LPGAT1: variants seen among roughly 807,000 people sequenced by gnomAD.
The protein encoded by LPGAT1 is lysophosphatidylglycerol acyltransferase 1, also known as acyl-CoA:lysophosphatidylglycerol acyltransferase 1.
In LPGAT1, 11 loss-of-function variants were observed where a neutral mutation model predicts 47.5. The observed-to-expected ratio is 0.23, with a 90% CI of 0.15 to 0.38. LPGAT1 has a LOEUF of 0.38. LPGAT1 is among the 10% of genes least tolerant of loss of function. LPGAT1 has a pLI of 1.00. For synonymous variants in LPGAT1, 138 were observed against 144.2 expected, an observed-to-expected ratio of 0.96 and a Z score of 0.31; for missense variants, 293 against 439.0, an observed-to-expected ratio of 0.67 and a Z score of 2.97.
rs1245229219 is a variant in LPGAT1 at position 211,745,868 on chromosome 1, A to G, written c.*4031T>C. 3 of 152,634 alleles carry G rather than the reference A, an allele frequency of 2.0e-5. No individual in the cohort carries two copies. Among genetic ancestry groups the G allele is most frequent in the Non-Finnish European group, 2.9e-5 (2 of 68,058 alleles). The allele number at this position is 152,634 out of a possible 1,614,324, so 9.5% of individuals were successfully genotyped here. On this transcript the variant is annotated 3_prime_UTR_variant, in exon 8 of 8. Coordinates refer to ENST00000366997, the MANE Select transcript of LPGAT1 (RefSeq NM_014873.3). Reference sequence around the variant, plus strand: ...TTTTGACTTTGTCCTTCATATTAACAGATATAAGGCTCATAGCACTGCAGA... The same window carrying G: ...TTTTGACTTTGTCCTTCATATTAACGGATATAAGGCTCATAGCACTGCAGA...
intron 2 of LPGAT1, among the ~76,000 whole-genome samples, chr1:211,801,375 TTTCC>T (rs1659567329): frequency 6.6e-6 from 1 of 152,128 alleles, no homozygotes; most frequent in African/African-American, 2.4e-5. Context: ...CTCAAAACCC[TTTCC>T]TTCATCCAGT....
rs1658909682 is a variant in LPGAT1 at position 211,787,031 on chromosome 1, T to C, written c.453+601A>G. Reference sequence around the variant, plus strand: ...ATTTAAATAATTTGCCCAATTCACATAGCTAAGAAACTGAATAGTGGGGAA... The same window carrying C: ...ATTTAAATAATTTGCCCAATTCACACAGCTAAGAAACTGAATAGTGGGGAA... On this transcript the variant is annotated intron_variant, in intron 4 of 7. Transcript: ENST00000366997. Among the ~76,000 whole-genome samples, 3 of 147,952 alleles carry C rather than the reference T, an allele frequency of 2.0e-5. No individual in the cohort carries two copies. In the South Asian group the frequency reaches 6.4e-4, roughly 32 times the overall value.
At chr1:211,755,482 GTTAT>G (rs1657402034) in intron 6 of LPGAT1, among the ~76,000 whole-genome samples, 1 of 151,638 alleles carries the variant, frequency 6.6e-6, no homozygotes, top group South Asian at 2.1e-4. Flanking sequence ...TCTTTCTCTT[GTTAT>G]TTAAACATTT....
chr1:211,752,848 C>A (rs76231407), intron 6 of LPGAT1, among the ~76,000 whole-genome samples: 1,586 of 151,146 alleles, frequency 0.01, 20 homozygotes, highest in African/African-American at 0.035. Flanking sequence ...TGCCTAATAA[C>A]CTTTACATTT....
intron 6 of LPGAT1, 59 bp from the exon 7 acceptor site, chr1:211,751,126 A>G: frequency 9.3e-7 from 1 of 1,080,180 alleles, no homozygotes; most frequent in East Asian, 2.4e-5. Flanking sequence ...AAAATCATTC[A>G]GAACCACAAC....
intron 2 of LPGAT1, among the ~76,000 whole-genome samples, chr1:211,804,261 G>A (rs1015559087): frequency 2.0e-5 from 3 of 152,016 alleles, no homozygotes; most frequent in Non-Finnish European, 2.9e-5. Flanking sequence ...TGTTGCCCAT[G>A]CTGGTCTCAG....
In LPGAT1 at chr1:211,830,021, G is replaced by A. The variant is rs1660674800; in HGVS notation, c.-28+552C>T. The A allele has an allele frequency of 3.0e-6, 3 of 985,764 alleles. No individual in the cohort carries two copies. In the African/African-American group the frequency reaches 5.2e-5, roughly 17 times the overall value. 61.1% of individuals were successfully genotyped at this position (985,764 alleles called of 1,614,324 possible). A position where few individuals can be genotyped will look rare whatever the true frequency, so the allele number is the denominator to read the frequency against. ...AAGAGGTAAAAGCCAAGGAACTGGGGATGAAGAGAATGAGATTTCCGACCA... is the reference window on the plus strand; with the variant it reads ...AAGAGGTAAAAGCCAAGGAACTGGGAATGAAGAGAATGAGATTTCCGACCA... On this transcript the variant is annotated intron_variant, in intron 1 of 7. Transcript: ENST00000366997. This position sits in a 1 kb window ranked among gnomAD's most constrained non-coding sequence, Gnocchi z 5.9.
intron 2 of LPGAT1, among the ~76,000 whole-genome samples, chr1:211,796,176 G>C (rs544769112): frequency 5.9e-5 from 9 of 152,122 alleles, no homozygotes; most frequent in African/African-American, 2.2e-4. Context: ...GATAAATCTA[G>C]TAAGTGTGAC....
intron 2 of LPGAT1, among the ~76,000 whole-genome samples, chr1:211,820,729 C>T (rs1237030886): frequency 6.6e-6 from 1 of 151,996 alleles, no homozygotes; most frequent in Non-Finnish European, 1.5e-5. Context: ...ATTCAACATA[C>T]ATATAACTAA....
rs1660696516 is a variant in LPGAT1 at position 211,830,446 on chromosome 1, C to A, written c.-28+127G>T. The A allele has an allele frequency of 2.5e-6, 3 of 1,177,708 alleles. No homozygotes were observed. Among genetic ancestry groups the A allele is most frequent in the Non-Finnish European group, 3.2e-6 (3 of 950,708 alleles). The allele number at this position is 1,177,708 out of a possible 1,614,324, so 73.0% of individuals were successfully genotyped here. A position where few individuals can be genotyped will look rare whatever the true frequency, so the allele number is the denominator to read the frequency against. The stretch of plus-strand genomic sequence containing the variant: ...TCCTCCCCGGGGCCTACCGCGCCCT[C>A]GTCCCTCAGGCCGCTGCCGCCTCCC... On this transcript the variant is annotated intron_variant, in intron 1 of 7. Coordinates refer to ENST00000366997, the MANE Select transcript of LPGAT1 (RefSeq NM_014873.3). This position sits in a 1 kb window ranked among gnomAD's most constrained non-coding sequence, Gnocchi z 5.9.
At chr1:211,790,770 A>T (rs74543668) in intron 3 of LPGAT1, among the ~76,000 whole-genome samples, 2,681 of 152,310 alleles carry the variant, frequency 0.018, 76 homozygotes, top group African/African-American at 0.062. Context: ...GGGGAATTTT[A>T]AATTACCTAA....
intron 2 of LPGAT1, among the ~76,000 whole-genome samples, chr1:211,812,864 C>T (rs1359617760): frequency 6.6e-6 from 1 of 152,158 alleles, no homozygotes; most frequent in Non-Finnish European, 1.5e-5. Flanking sequence ...GATCTTGGCC[C>T]TGCTGACACC....
intron 2 of LPGAT1, among the ~76,000 whole-genome samples, chr1:211,797,710 C>A (rs1447058498): frequency 6.6e-6 from 1 of 151,976 alleles, no homozygotes; most frequent in African/African-American, 2.4e-5. Flanking sequence ...ATATCTTAAC[C>A]AAGGGATAGA....
intron 6 of LPGAT1, among the ~76,000 whole-genome samples, chr1:211,766,162 C>T (rs1657904243): frequency 6.6e-6 from 1 of 152,118 alleles, no homozygotes; most frequent in Non-Finnish European, 1.5e-5. Flanking sequence ...ACACCATCAG[C>T]TCCCCAGTTC....
chr1:211,830,115 A>G lies in LPGAT1; in HGVS notation c.-28+458T>C. 1.0e-6 allele frequency: 1 copy of G among 984,278 alleles called. No individual in the cohort carries two copies. Among genetic ancestry groups the G allele is most frequent in the Non-Finnish European group, 1.2e-6 (1 of 829,674 alleles). The allele number at this position is 984,278 out of a possible 1,614,324, so 61.0% of individuals were successfully genotyped here. On this transcript the variant is annotated intron_variant, in intron 1 of 7. Transcript: ENST00000366997. This position sits in a 1 kb window ranked among gnomAD's most constrained non-coding sequence, Gnocchi z 5.9. ...CGACCGCAGCGCGGGGAGCCGGTGG[A>G]GCCTGCAGCGGTTTCCGCGGATGTG...
In LPGAT1 at chr1:211,817,417, C is replaced by T. The variant is rs186645923; in HGVS notation, c.238+11642G>A. On this transcript the variant is annotated intron_variant, in intron 2 of 7. Transcript: ENST00000366997. ...CAAAACCTCGTCTCTACTGAAAATA[C>T]AAAAATTAGCCGGGCATGTGGCCGG... Among the ~76,000 whole-genome samples, 8 of 151,976 alleles carry T rather than the reference C, an allele frequency of 5.3e-5. No individual in the cohort carries two copies. In the East Asian group the frequency reaches 1.4e-3, roughly 26 times the overall value.
At chr1:211,754,071 T>G (rs1657329064) in intron 6 of LPGAT1, among the ~76,000 whole-genome samples, 2 of 152,196 alleles carry the variant, frequency 1.3e-5, no homozygotes, top group Non-Finnish European at 2.9e-5. Context: ...TGACATCACT[T>G]CACCATGCTG....
intron 2 of LPGAT1, among the ~76,000 whole-genome samples, chr1:211,794,296 A>G (rs1403497348): frequency 6.6e-6 from 1 of 152,086 alleles, no homozygotes; most frequent in African/African-American, 2.4e-5. Context: ...ATTTCATTTT[A>G]TATTTATTTT....
chr1:211,820,006 G>T (rs976009014), intron 2 of LPGAT1, among the ~76,000 whole-genome samples: 2 of 151,984 alleles, frequency 1.3e-5, no homozygotes, highest in Non-Finnish European at 2.9e-5. Flanking sequence ...GGCAGGCAGG[G>T]GGGTGGTTTA....
Sources: allele counts gnomAD v4.1 joint callset (sites outside exome capture counted in the v4.1 genomes callset), GRCh38; gene constraint gnomAD v4.1.1; non-coding constraint Gnocchi (gnomAD v3.1); transcripts MANE v1.5; gene names NCBI Gene and HGNC (gene_info 2026-07-23, HGNC 2026-07-21).